DMD: variants seen among roughly 807,000 people sequenced by gnomAD.
DMD encodes the protein dystrophin.
A neutral mutation model predicts 330.1 loss-of-function variants in DMD; 63 were observed. The observed-to-expected ratio is 0.19, with a 90% CI of 0.16 to 0.24. The LOEUF (loss-of-function observed/expected upper bound fraction) is 0.24. Ranked by LOEUF, DMD falls within the 10% of genes least tolerant of loss-of-function variation. The pLI is 1.00. For synonymous variants in DMD, 1,223 were observed against 959.8 expected (o/e 1.27, Z -5.07); for missense variants, 3,344 against 2,684.1 (o/e 1.25, Z -5.43).
At chrX:32,927,359 CTTTCT>C (rs1279041527) in intron 2 of DMD, among the ~76,000 whole-genome samples, 3 of 62,158 alleles carry the variant, frequency 4.8e-5, no homozygotes, top group Non-Finnish European at 8.3e-5. Context: ...TTCCTTCTTT[CTTTCT>C]TTTTTTTTTT....
chrX:32,296,103 A>G lies in DMD; in HGVS notation c.6118-8402T>C, dbSNP rs956038037. ...AAAAGTGCCAAAGTTCTATTATTTA[A>G]AATAGCAGCCGGGCGCGGTGGCTCA... On this transcript the variant is annotated intron_variant, in intron 42 of 78. Transcript: ENST00000357033. Among the ~76,000 whole-genome samples the G allele has an allele frequency of 2.7e-5, 3 of 112,312 alleles. No homozygotes were observed. In the South Asian group the frequency reaches 1.1e-3, roughly 42 times the overall value.
intron 2 of DMD, among the ~76,000 whole-genome samples, chrX:32,898,400 T>TG (rs1455964966): frequency 1.8e-5 from 2 of 112,271 alleles, no homozygotes; most frequent in Non-Finnish European, 3.8e-5. Context: ...GGAGGATTCT[T>TG]GGCTTTGCCT....
At chrX:31,441,560 G>T (rs891027944) in intron 60 of DMD, among the ~76,000 whole-genome samples, 2 of 111,955 alleles carry the variant, frequency 1.8e-5, no homozygotes, top group Non-Finnish European at 3.8e-5. Context: ...CTTGTACTTG[G>T]TTTTTATCAC....
chrX:31,230,854 A>C (rs1458617072), intron 63 of DMD, among the ~76,000 whole-genome samples: 1 of 112,053 alleles, frequency 8.9e-6, no homozygotes, highest in Non-Finnish European at 1.9e-5. Context: ...TCCTCAGCAG[A>C]ATCTCACTAC....
chrX:32,308,878 A>G lies in DMD; in HGVS notation c.6117+1204T>C, dbSNP rs929239846. 7.2e-5 allele frequency among the ~76,000 whole-genome samples: 8 copies of G among 111,288 alleles called. No homozygotes were observed. The East Asian group carries it at 2.0e-3, about 28-fold the overall frequency. On this transcript the variant is annotated intron_variant, in intron 42 of 78. Coordinates refer to ENST00000357033, the MANE Select transcript of DMD (RefSeq NM_004006.3). ...GCAATAATTTACTTATTGAATGACA[A>G]TGATGCACTTACAAACTATGCTGCC...
At chrX:31,821,880 C>T (rs1364413289) in intron 49 of DMD, among the ~76,000 whole-genome samples, 1 of 112,028 alleles carries the variant, frequency 8.9e-6, no homozygotes, top group African/African-American at 3.2e-5. Flanking sequence ...TGGAAAAGAG[C>T]CAGAAACTAC....
intron 78 of DMD, among the ~76,000 whole-genome samples, chrX:31,126,053 G>A (rs1417881155): frequency 3.6e-5 from 4 of 111,355 alleles, no homozygotes; most frequent in African/African-American, 9.8e-5. Context: ...GGGTTAATAA[G>A]AGTACCTACC....
chrX:33,285,281 G>T (rs763714490), intron 1 of DMD, among the ~76,000 whole-genome samples: 1 of 107,140 alleles, frequency 9.3e-6, no homozygotes, highest in Admixed American at 1.0e-4. Context: ...TTAAATCATA[G>T]ATTTCAAAAA....
At chrX:32,908,248 A>G (rs768044251) in intron 2 of DMD, among the ~76,000 whole-genome samples, 1 of 111,776 alleles carries the variant, frequency 8.9e-6, no homozygotes, top group East Asian at 2.8e-4. Flanking sequence ...AATTTCTCAT[A>G]TTTTAATCTC....
At chrX:31,704,467 G>GA (rs752791515) in intron 52 of DMD, among the ~76,000 whole-genome samples, 1 of 111,037 alleles carries the variant, frequency 9.0e-6, no homozygotes, top group East Asian at 2.8e-4. Flanking sequence ...ATAGTAAAAG[G>GA]AAAAAAAATT....
At chrX:32,012,027 C>G (rs776164493) in intron 44 of DMD, among the ~76,000 whole-genome samples, 13 of 112,089 alleles carry the variant, frequency 1.2e-4, no homozygotes, top group Non-Finnish European at 2.4e-4. Flanking sequence ...GTCAAGCCCC[C>G]CCAGTCCTTT....
chrX:31,621,886 C>T (rs1260585274), intron 55 of DMD, among the ~76,000 whole-genome samples: 1 of 112,190 alleles, frequency 8.9e-6, no homozygotes, highest in Non-Finnish European at 1.9e-5. Context: ...CACGAATGCT[C>T]TTTTCAACCC....
intron 33 of DMD, among the ~76,000 whole-genome samples, chrX:32,382,412 C>A (rs1159989134): frequency 1.8e-5 from 2 of 110,892 alleles, no homozygotes; most frequent in Non-Finnish European, 3.8e-5. Flanking sequence ...AAGAATCTAT[C>A]TATAAGCAAG....
chrX:31,943,611 C>T (rs1443905242), intron 45 of DMD, among the ~76,000 whole-genome samples: 2 of 111,389 alleles, frequency 1.8e-5, no homozygotes. Flanking sequence ...TTCTTCCTAA[C>T]CCACAACCAA....
Position 32,844,865 on chromosome X carries a change from GAACAA to G in DMD, c.187-10_187-6del, listed in dbSNP as rs1557079581. On this transcript the variant is annotated splice_polypyrimidine_tract_variant and splice_region_variant and intron_variant, in intron 3 of 78. Transcript: ENST00000357033. Reference sequence around the variant, plus strand: ...TGTGGATCCTTTTTCTTTTGGCTGAGAACAAAACAAAAGAGTGTTCACTGACCAGC... The same window carrying G: ...TGTGGATCCTTTTTCTTTTGGCTGAGAACAAAAGAGTGTTCACTGACCAGC... 4 of 1,202,642 alleles carry G rather than the reference GAACAA, an allele frequency of 3.3e-6. No individual in the cohort carries two copies. Among genetic ancestry groups the G allele is most frequent in the Non-Finnish European group, 2.3e-6 (2 of 887,521 alleles).
chrX:33,103,999 A>T (rs1417627017), intron 1 of DMD, among the ~76,000 whole-genome samples: 1 of 111,940 alleles, frequency 8.9e-6, no homozygotes, highest in Non-Finnish European at 1.9e-5. Context: ...TCCTCAGGGG[A>T]ACACTAAAAG....
chrX:32,391,672 A>G (rs1445519982), intron 30 of DMD, among the ~76,000 whole-genome samples: 2 of 111,906 alleles, frequency 1.8e-5, no homozygotes, highest in Non-Finnish European at 3.8e-5. Context: ...TGTTTCGTGA[A>G]CCTAGAATCT....
chrX:31,296,882 A>T (rs1029852859), intron 62 of DMD, among the ~76,000 whole-genome samples: 6 of 111,870 alleles, frequency 5.4e-5, no homozygotes, highest in Admixed American at 2.8e-4. Context: ...CAAATTTTGG[A>T]ACAATAGACA....
intron 41 of DMD, among the ~76,000 whole-genome samples, chrX:32,341,100 A>G (rs2097739527): frequency 1.8e-5 from 2 of 111,985 alleles, no homozygotes. Flanking sequence ...TGGAACTGAC[A>G]CTATCACAGA....
Sources: gnomAD v4.1 joint callset for allele counts (sites outside exome capture counted in the v4.1 genomes callset) on GRCh38, gnomAD v4.1.1 for gene constraint, MANE v1.5 for transcripts, NCBI Gene and HGNC (gene_info 2026-07-23, HGNC 2026-07-21) for gene names.